Variants in MAD1L1 observed in about 807,000 individuals in gnomAD.
The protein encoded by MAD1L1 is mitotic spindle assembly checkpoint protein MAD1.
A neutral mutation model predicts 96.9 loss-of-function variants in MAD1L1; 95 were observed. The ratio of observed to expected loss-of-function variants is 0.98; its 90% confidence interval spans 0.83 to 1.16. The LOEUF (loss-of-function observed/expected upper bound fraction) is 1.16. Ranked by LOEUF, MAD1L1 falls within the 50% of genes most tolerant of loss-of-function variation. MAD1L1 has a pLI of 0.00. For synonymous variants in MAD1L1, 473 were observed against 396.6 expected (o/e 1.19, Z -2.29); for missense variants, 1,007 against 954.4 (o/e 1.06, Z -0.73).
chr7:1,972,332 AG>A (rs758711761), intron 15 of MAD1L1, among the ~76,000 whole-genome samples: 67 of 152,370 alleles, frequency 4.4e-4, no homozygotes, highest in Non-Finnish European at 7.9e-4. Flanking sequence ...ATTTGGGCCT[AG>A]GGATATCCTT....
intron 13 of MAD1L1, among the ~76,000 whole-genome samples, chr7:2,007,806 G>C (rs904528244): frequency 6.6e-6 from 1 of 152,266 alleles, no homozygotes; most frequent in Non-Finnish European, 1.5e-5. Context: ...CAGCTGGCAA[G>C]AATGGGAAAC....
chr7:1,832,811 T>C (rs1294795790), intron 18 of MAD1L1, among the ~76,000 whole-genome samples: 3 of 151,368 alleles, frequency 2.0e-5, no homozygotes, highest in Admixed American at 6.6e-5. Context: ...TTTGTGTTTG[T>C]AGTAGAGACA....
intron 18 of MAD1L1, among the ~76,000 whole-genome samples, chr7:1,833,739 G>A (rs1189604077): frequency 2.0e-5 from 3 of 152,180 alleles, no homozygotes; most frequent in Non-Finnish European, 2.9e-5. Flanking sequence ...TCAGGAGTTC[G>A]AGACCAGCCT....
chr7:2,053,422 C>T (rs1431134361), intron 12 of MAD1L1, among the ~76,000 whole-genome samples: 1 of 152,238 alleles, frequency 6.6e-6, no homozygotes, highest in African/African-American at 2.4e-5. Flanking sequence ...TTACTCAGAG[C>T]CTGCTGTATG....
intron 18 of MAD1L1, among the ~76,000 whole-genome samples, chr7:1,818,573 G>C (rs10253324): frequency 0.04 from 6,103 of 151,876 alleles, 214 homozygotes; most frequent in South Asian, 0.08. Context: ...GAGATAGATA[G>C]ACTTTAGCTA....
chr7:1,929,441 A>C (rs1428583593), intron 17 of MAD1L1, among the ~76,000 whole-genome samples: 1 of 152,144 alleles, frequency 6.6e-6, no homozygotes, highest in Non-Finnish European at 1.5e-5. Flanking sequence ...CCAGCACGGG[A>C]GGCCGGGCTT....
chr7:1,951,046 C>T (rs1779472570), intron 16 of MAD1L1, among the ~76,000 whole-genome samples: 1 of 152,242 alleles, frequency 6.6e-6, no homozygotes, highest in Admixed American at 6.5e-5. Flanking sequence ...GGTCCTCCTC[C>T]TCCTTCCCAG....
chr7:2,177,837 G>A (rs1791016519), intron 10 of MAD1L1, among the ~76,000 whole-genome samples: 1 of 152,224 alleles, frequency 6.6e-6, no homozygotes, highest in Admixed American at 6.5e-5. Context: ...AACAAGAAGG[G>A]CAGTCTCAGT....
chr7:1,985,587 A>G (rs1781102744), intron 14 of MAD1L1, among the ~76,000 whole-genome samples: 1 of 152,182 alleles, frequency 6.6e-6, no homozygotes, highest in South Asian at 2.1e-4. Flanking sequence ...CTCAACAGCG[A>G]AGCCGCCATC....
At chr7:1,946,991 C>T (rs1046086277) in intron 16 of MAD1L1, among the ~76,000 whole-genome samples, 2 of 152,216 alleles carry the variant, frequency 1.3e-5, no homozygotes, top group African/African-American at 4.8e-5. Context: ...CATCTCTGTT[C>T]CCACTGTGAG....
rs187282317 is a variant in MAD1L1, at chr7:2,175,761, G to A, written c.987-26523C>T. 2.4e-3 allele frequency among the ~76,000 whole-genome samples: 370 copies of A among 152,234 alleles called. 2 individuals carry two copies. Among genetic ancestry groups the A allele is most frequent in the African/African-American group, 8.5e-3 (355 of 41,552 alleles). The stretch of plus-strand genomic sequence containing the variant: ...AAAGGGTGGGGCTCATCCTCCTCCT[G>A]AAGCCCTGGTCCCTTCCGTCCAGGC... On this transcript the variant is annotated intron_variant, in intron 10 of 18. Transcript: ENST00000265854.
At chr7:1,822,427 A>C (rs1437385181) in intron 18 of MAD1L1, among the ~76,000 whole-genome samples, 1 of 106,020 alleles carries the variant, frequency 9.4e-6, no homozygotes, top group African/African-American at 3.6e-5. Flanking sequence ...TCCAAACCTC[A>C]GCATATATAT....
chr7:2,004,443 A>G (rs1264675915), intron 13 of MAD1L1, among the ~76,000 whole-genome samples: 1 of 152,220 alleles, frequency 6.6e-6, no homozygotes, highest in Non-Finnish European at 1.5e-5. Flanking sequence ...CATTTACATC[A>G]GTTCACATGG....
chr7:2,089,791 C>A (rs1200669828), intron 11 of MAD1L1, among the ~76,000 whole-genome samples: 1 of 152,172 alleles, frequency 6.6e-6, no homozygotes, highest in Non-Finnish European at 1.5e-5. Flanking sequence ...TCTAAAGGAA[C>A]GGGCTTCCAA....
At chr7:1,947,739 A>C (rs990905191) in intron 16 of MAD1L1, among the ~76,000 whole-genome samples, 2 of 152,166 alleles carry the variant, frequency 1.3e-5, no homozygotes, top group Non-Finnish European at 2.9e-5. Context: ...TGCCTCTGTA[A>C]CAAGCCCAGG....
intron 4 of MAD1L1, among the ~76,000 whole-genome samples, chr7:2,224,036 G>C (rs1353037120): frequency 1.3e-5 from 2 of 152,100 alleles, no homozygotes; most frequent in African/African-American, 4.8e-5. Context: ...CCCAAGACAG[G>C]GTTCCCGGAG....
At chr7:1,906,043 CCA>C (rs1787607861) in intron 17 of MAD1L1, among the ~76,000 whole-genome samples, 1 of 120,490 alleles carries the variant, frequency 8.3e-6, no homozygotes, top group Non-Finnish European at 1.6e-5. Context: ...CAGTAAGACT[CCA>C]TCTCAAAAAA....
At chr7:2,137,663 C>A (rs1412251059) in intron 11 of MAD1L1, among the ~76,000 whole-genome samples, 5 of 152,356 alleles carry the variant, frequency 3.3e-5, no homozygotes, top group Non-Finnish European at 7.3e-5. Flanking sequence ...CTGAAAACCT[C>A]AGCCAGGAAA....
chr7:1,899,322 G>C (rs1324990606), intron 17 of MAD1L1, among the ~76,000 whole-genome samples: 1 of 152,222 alleles, frequency 6.6e-6, no homozygotes, highest in Non-Finnish European at 1.5e-5. Context: ...CCCTAGGCCG[G>C]GTGCTTCCCA....
Sources: allele counts gnomAD v4.1 joint callset (sites outside exome capture counted in the v4.1 genomes callset), GRCh38; gene constraint gnomAD v4.1.1; transcripts MANE v1.5; gene names NCBI Gene and HGNC (gene_info 2026-07-23, HGNC 2026-07-21).